Variants in ESPL1 observed in about 807,000 individuals in gnomAD.
The protein encoded by ESPL1 is separin.
ESPL1 carries 50 observed loss-of-function variants against 217.2 expected under a neutral mutation model. That is an observed-to-expected ratio of 0.23 (90% CI 0.18 to 0.29). ESPL1 has a LOEUF of 0.29. ESPL1 is among the 10% of genes least tolerant of loss of function. The pLI is 1.00. For missense variants in ESPL1, 1,834 were observed against 2,603.0 expected (o/e 0.70, Z 6.43); for synonymous variants, 994 against 1,081.3 (o/e 0.92, Z 1.58).
Position 53,282,011 on chromosome 12 carries a change from G to A in ESPL1, c.2620-253G>A, listed in dbSNP as rs1396928385. Among the ~76,000 whole-genome samples the A allele has an allele frequency of 4.6e-5, 7 of 152,010 alleles. No homozygotes were observed. In the East Asian group the frequency reaches 9.7e-4, roughly 21 times the overall value. On this transcript the variant is annotated intron_variant, in intron 13 of 30. Transcript: ENST00000257934. This position sits in a 1 kb window ranked among gnomAD's most constrained non-coding sequence, Gnocchi z 4.0. ...TCTCATGCTCTAGTTTCTTCTCTAC[G>A]TTTTTATCATTCCTAAATTGGCGGA...
chr12:53,271,735 C>T (rs1943678478), intron 5 of ESPL1, among the ~76,000 whole-genome samples: 1 of 152,130 alleles, frequency 6.6e-6, no homozygotes, highest in African/African-American at 2.4e-5. Flanking sequence ...ACTTTATTTT[C>T]TCCCAGTCAT....
Position 53,286,190 on chromosome 12 carries a change from G to A in ESPL1, c.3454G>A (p.Ala1152Thr), listed in dbSNP as rs143545932. The change falls in exon 18 of 31, where the codon GCC becomes ACC. Residue 1152 changes from alanine (A) to threonine (T), a missense_variant. Physicochemically the swap from Ala to Thr is moderately conservative, Grantham distance 58. This residue lies in a region of ESPL1 where 681 missense variants were observed against 808.0 expected (regional missense o/e 0.84). Transcript: ENST00000257934. The surrounding 1 kb of genome is among the most constrained non-coding windows in gnomAD (Gnocchi z 5.3). Reference protein sequence around the residue: ...HSPTCDCSLCASPVLTAVCLR... With the variant: ...HSPTCDCSLCTSPVLTAVCLR... ...ACCCACCTGTGACTGCTCGCTCTGC[G>A]CCAGCCCTGTCCTCACAGCAGTCTG... 84 of 1,614,102 alleles carry A rather than the reference G, an allele frequency of 5.2e-5. No individual in the cohort carries two copies. The African/African-American group carries it at 8.1e-4, about 16-fold the overall frequency.
Position 53,278,652 on chromosome 12 carries a change from C to T in ESPL1, c.2364+692C>T, listed in dbSNP as rs544019344. ...TGTCGCCCAGGCTGGAGTGCAGTGG[C>T]GCAATCTGGGCTCACTGCAACTTCC... is the stretch of plus-strand genomic sequence containing the variant. On this transcript the variant is annotated intron_variant, in intron 11 of 30. Coordinates refer to ENST00000257934, the MANE Select transcript of ESPL1 (RefSeq NM_012291.5). Among the ~76,000 whole-genome samples, 69 of 150,398 alleles carry T rather than the reference C, an allele frequency of 4.6e-4. 1 individual carries two copies. The Middle Eastern group carries it at 0.024, about 52-fold the overall frequency.
intron 6 of ESPL1, chr12:53,274,009 C>G (rs1001222869): frequency 1.3e-5 from 2 of 151,624 alleles, no homozygotes; most frequent in Admixed American, 1.3e-4. Context: ...CATGCGCCAC[C>G]ATGCCTGGCT....
In ESPL1 at chr12:53,292,108, G is replaced by A. The variant is rs762328363; in HGVS notation, c.5796+20G>A. On this transcript the variant is annotated intron_variant, in intron 27 of 30. Transcript: ENST00000257934. This position sits in a 1 kb window ranked among gnomAD's most constrained non-coding sequence, Gnocchi z 4.5. ...AAAGAGGTGGGGTTCAGGGCGTAGT[G>A]TCTGGGGATGACTGGCGACTGGGGA... 18 of 1,588,166 alleles carry A rather than the reference G, an allele frequency of 1.1e-5. No homozygotes were observed. Among genetic ancestry groups the A allele is most frequent in the Non-Finnish European group, 1.5e-5 (17 of 1,156,428 alleles).
Position 53,292,382 on chromosome 12 carries a change from C to T in ESPL1, c.5901C>T (p.Ala1967=), listed in dbSNP as rs757814042. 2.5e-6 allele frequency: 4 copies of T among 1,612,286 alleles called. No individual in the cohort carries two copies. The South Asian group carries it at 4.4e-5, about 18-fold the overall frequency. Residue 1967 remains alanine (A), a synonymous_variant, in exon 28 of 31, where the codon GCC becomes GCT. Transcript: ENST00000257934. The surrounding 1 kb of genome is among the most constrained non-coding windows in gnomAD (Gnocchi z 4.5). ...NLSSTEEQFR[A]NFSSEAGWRG... is the part of the protein sequence containing the mutation. ...CAAGCACAGAGGAGCAATTTCGAGC[C>T]AATTTCAGCAGGTCAGGGGCGCGAA...
rs534597353 is a variant in ESPL1 at position 53,282,810 on chromosome 12, C to T, written c.2792-319C>T. 4.3e-4 allele frequency among the ~76,000 whole-genome samples: 66 copies of T among 152,314 alleles called. 1 individual carries two copies. The East Asian group carries it at 0.011, about 26-fold the overall frequency. On this transcript the variant is annotated intron_variant, in intron 14 of 30. Coordinates refer to ENST00000257934, the MANE Select transcript of ESPL1 (RefSeq NM_012291.5). This position sits in a 1 kb window ranked among gnomAD's most constrained non-coding sequence, Gnocchi z 4.0. The stretch of plus-strand genomic sequence containing the variant: ...CTGGGATTACTGGCATGCGCCACTA[C>T]GCCCGACTAATTTTTGTATTATTAG...
At position 53,269,412 on chromosome 12, in the gene ESPL1, C is replaced by T. The variant is rs563970963; in HGVS notation, c.470C>T (p.Ala157Val). The T allele has an allele frequency of 6.2e-7, 1 of 1,613,934 alleles. No individual in the cohort carries two copies. Among genetic ancestry groups the T allele is most frequent in the Admixed American group, 1.7e-5 (1 of 59,954 alleles). The change falls in exon 3 of 31, where the codon GCC becomes GTC. Residue 157 changes from alanine to valine, a missense_variant. Around this residue, in one of 5 missense-constraint regions of ESPL1, gnomAD observed 746 missense variants for 1,077.0 expected, o/e 0.69. Transcript: ENST00000257934. The surrounding 1 kb of genome is among the most constrained non-coding windows in gnomAD (Gnocchi z 6.7). ...TCTCTGCTTTGGAAGGGGGCAGAAG[C>T]CCTGTTGGAACGGCGAGCTGCATTT... ...SFSLLWKGAE[A>V]LLERRAAFAA...
At position 53,293,475 on chromosome 12, in the gene ESPL1, C is replaced by T. The variant is rs199711854; in HGVS notation, c.*1C>T. 6.2e-7 allele frequency: 1 copy of T among 1,610,624 alleles called. No individual in the cohort carries two copies. The highest frequency in any genetic ancestry group is 1.3e-5 in the African/African-American group (1 of 75,000). Reference sequence around the variant, plus strand: ...TGGCTTGCCTGTCTCTCTGCGGTAACCCCATGGAGCTGTCTTATTGATGCT... The same window carrying T: ...TGGCTTGCCTGTCTCTCTGCGGTAATCCCATGGAGCTGTCTTATTGATGCT... On this transcript the variant is annotated 3_prime_UTR_variant, in exon 31 of 31. Transcript: ENST00000257934. This position sits in a 1 kb window ranked among gnomAD's most constrained non-coding sequence, Gnocchi z 4.2.
chr12:53,289,641 T>G, intron 22 of ESPL1, 47 bp downstream of exon 22: 1 of 1,525,850 alleles, frequency 6.6e-7, no homozygotes, highest in Non-Finnish European at 8.9e-7. Flanking sequence ...CTTCTGCATC[T>G]TCTTACTTGG....
Position 53,292,473 on chromosome 12 carries a change from G to C in ESPL1, c.5912+80G>C, listed in dbSNP as rs1944079897. On this transcript the variant is annotated intron_variant, in intron 28 of 30. Transcript: ENST00000257934. The surrounding 1 kb of genome is among the most constrained non-coding windows in gnomAD (Gnocchi z 4.5). The stretch of plus-strand genomic sequence containing the variant: ...GCAACAAGCCTTTTCTCCAGAAACA[G>C]CTGTTGCAGCCCACCTTCTATCTAA... 3 of 1,380,620 alleles carry C rather than the reference G, an allele frequency of 2.2e-6. No homozygotes were observed. Among genetic ancestry groups the C allele is most frequent in the Non-Finnish European group, 3.1e-6 (3 of 967,838 alleles). The allele number at this position is 1,380,620 out of a possible 1,614,324, so 85.5% of individuals were successfully genotyped here.
Position 53,292,488 on chromosome 12 carries a change from C to T in ESPL1, c.5913-86C>T. The T allele has an allele frequency of 7.2e-7, 1 of 1,390,156 alleles. No homozygotes were observed. The highest frequency in any genetic ancestry group is 1.2e-5 in the South Asian group (1 of 86,660). 86.1% of individuals were successfully genotyped at this position (1,390,156 alleles called of 1,614,324 possible). A position where few individuals can be genotyped will look rare whatever the true frequency, so the allele number is the denominator to read the frequency against. On this transcript the variant is annotated intron_variant, in intron 28 of 30. Transcript: ENST00000257934. The surrounding 1 kb of genome is among the most constrained non-coding windows in gnomAD (Gnocchi z 4.5). ...TCCAGAAACAGCTGTTGCAGCCCAC[C>T]TTCTATCTAATGATCCCTCTGCTGT...
At position 53,286,385 on chromosome 12, in the gene ESPL1, A is replaced by C; in HGVS notation, c.3649A>C (p.Ser1217Arg). The C allele has an allele frequency of 6.2e-7, 1 of 1,614,132 alleles. No individual in the cohort carries two copies. Among genetic ancestry groups the C allele is most frequent in the Non-Finnish European group, 8.5e-7 (1 of 1,180,022 alleles). ...TAAAACACCCCCCTCCTTGGTTCCA[A>C]GCCTCTTGGATGAGATCTTGGCTCA... is the stretch of plus-strand genomic sequence containing the variant. ...NHKTPPSLVP[S>R]LLDEILAQAY... The change falls in exon 18 of 31, where the codon AGC becomes CGC. Residue 1217 changes from serine (S) to arginine (R), a missense_variant. Physicochemically the swap from Ser to Arg is moderately radical, Grantham distance 110 (BLOSUM62 -1). Transcript: ENST00000257934. The surrounding 1 kb of genome is among the most constrained non-coding windows in gnomAD (Gnocchi z 5.3).
In ESPL1 at chr12:53,291,849, G is replaced by C. The variant is rs1211806746; in HGVS notation, c.5680G>C (p.Val1894Leu). ...TVPSNSHLVLVLDKDLQKLPW... is the reference protein window; with the variant it reads ...TVPSNSHLVLLLDKDLQKLPW... ...ACCAAGCAATAGCCACCTTGTCTTG[G>C]TCCTAGACAAGGTAAGGAGCTGGGG... The change falls in exon 26 of 31, where the codon GTC becomes CTC. Residue 1894 changes from valine to leucine, a missense_variant. Physicochemically the swap from Val to Leu is conservative, Grantham distance 32 (BLOSUM62 1). Transcript: ENST00000257934. The C allele has an allele frequency of 3.8e-6, 6 of 1,588,268 alleles. No homozygotes were observed. The highest frequency in any genetic ancestry group is 5.1e-6 in the Non-Finnish European group (6 of 1,165,810).
At chr12:53,285,795 T>C (rs1032499120) in intron 17 of ESPL1, 129 bp from the exon 18 acceptor site, 3 of 618,332 alleles carry the variant, frequency 4.9e-6, no homozygotes, top group African/African-American at 3.6e-5. Flanking sequence ...AATACATATA[T>C]ATACACACAT....
Position 53,289,554 on chromosome 12 carries a change from A to G in ESPL1, c.5073A>G (p.Glu1691=). 1.9e-6 allele frequency: 3 copies of G among 1,614,106 alleles called. No homozygotes were observed. The highest frequency in any genetic ancestry group is 2.5e-6 in the Non-Finnish European group (3 of 1,180,030). The change falls in exon 22 of 31, where the codon GAA becomes GAG. Residue 1691 remains glutamate (E), a synonymous_variant. Coordinates refer to ENST00000257934, the MANE Select transcript of ESPL1 (RefSeq NM_012291.5). The part of the protein sequence containing the change: ...ALESGHFPQP[E]KESFQERLAL... Reference sequence around the variant, plus strand: ...AATCTGGCCACTTCCCCCAGCCTGAAAAGGAGAGTTTCCAGGAGCGCCTGG... The same window carrying G: ...AATCTGGCCACTTCCCCCAGCCTGAGAAGGAGAGTTTCCAGGAGCGCCTGG...
rs777511642 is a variant in ESPL1 at position 53,290,202 on chromosome 12, G to T, written c.5231G>T (p.Gly1744Val). Residue 1744 changes from glycine (G) to valine (V), a missense_variant, in exon 23 of 31, where the codon GGC becomes GTC. This residue lies in a region of ESPL1 where 295 missense variants were observed against 519.8 expected (regional missense o/e 0.57). Transcript: ENST00000257934. ...SPPVSVQIPTGQNKLHLRSVL... is the reference protein window; with the variant it reads ...SPPVSVQIPTVQNKLHLRSVL... ...CCAGTCAGTGTGCAGATTCCCACTG[G>T]CCAGAACAAGGTAGGATTCCTGGGC... 1 of 1,614,066 alleles carries T rather than the reference G, an allele frequency of 6.2e-7. No individual in the cohort carries two copies. Among genetic ancestry groups the T allele is most frequent in the South Asian group, 1.1e-5 (1 of 91,082 alleles).
intron 13 of ESPL1, 42 bp downstream of exon 13, chr12:53,281,668 G>C (rs372484795): frequency 6.3e-7 from 1 of 1,590,702 alleles, no homozygotes; most frequent in Non-Finnish European, 8.6e-7. Flanking sequence ...CTGGGTATTA[G>C]AAAGAATTTA....
chr12:53,285,862 C>G (rs1660405548), intron 17 of ESPL1, 62 bp from the exon 18 acceptor site: 1 of 1,445,490 alleles, frequency 6.9e-7, no homozygotes, highest in Non-Finnish European at 9.3e-7. Context: ...CCCAAGGTCG[C>G]TCAGGAAGTG....
Sources: allele counts gnomAD v4.1 joint callset (sites outside exome capture counted in the v4.1 genomes callset), GRCh38; gene constraint gnomAD v4.1.1; regional missense constraint gnomAD v4.1.1; non-coding constraint Gnocchi (gnomAD v3.1); transcripts MANE v1.5; gene names NCBI Gene and HGNC (gene_info 2026-07-23, HGNC 2026-07-21).